The following ULK4 variants were observed in gnomAD, a reference collection of about 807,000 sequenced individuals.
ULK4 encodes unc-51 like kinase 4.
ULK4 carries 133 observed loss-of-function variants against 160.6 expected under a neutral mutation model. That is an observed-to-expected ratio of 0.83 (90% CI 0.72 to 0.96). The LOEUF is 0.96. Ranked by LOEUF, ULK4 falls within the 40% of genes least tolerant of loss-of-function variation. ULK4 has a pLI of 0.00. For missense variants in ULK4, 1,580 were observed against 1,499.5 expected (o/e 1.05, Z -0.89); for synonymous variants, 534 against 539.8 (o/e 0.99, Z 0.15).
At chr3:41,628,546 T>C (rs184139828) in intron 30 of ULK4, among the ~76,000 whole-genome samples, 1 of 152,288 alleles carries the variant, frequency 6.6e-6, no homozygotes, top group East Asian at 1.9e-4. Flanking sequence ...ACAAAGTAAC[T>C]ACCTAGTACA....
intron 31 of ULK4, among the ~76,000 whole-genome samples, chr3:41,587,832 C>T (rs745393682): frequency 1.1e-4 from 17 of 152,074 alleles, no homozygotes; most frequent in Admixed American, 2.0e-4. Flanking sequence ...TTTTAAATAT[C>T]GGTTAATTAG....
intron 17 of ULK4, among the ~76,000 whole-genome samples, chr3:41,840,327 C>T (rs1358259150): frequency 6.6e-6 from 1 of 152,182 alleles, no homozygotes; most frequent in Non-Finnish European, 1.5e-5. Context: ...GTCCTAGCTA[C>T]TCAAGAGACT....
intron 32 of ULK4, among the ~76,000 whole-genome samples, chr3:41,538,874 G>A (rs1044990086): frequency 7.2e-5 from 11 of 151,988 alleles, no homozygotes; most frequent in African/African-American, 2.7e-4. Flanking sequence ...ATAAGCATGT[G>A]TATGCATGAG....
chr3:41,317,144 C>T (rs966918875), intron 35 of ULK4, among the ~76,000 whole-genome samples: 5 of 142,860 alleles, frequency 3.5e-5, no homozygotes, highest in East Asian at 2.1e-4. Context: ...GGCGCAATCT[C>T]GGCTCACTGC....
intron 11 of ULK4, 72 bp from the exon 12 acceptor site, chr3:41,908,013 A>G (rs1468960826): frequency 3.6e-6 from 4 of 1,124,830 alleles, no homozygotes; most frequent in Non-Finnish European, 4.9e-6. Context: ...TTTCTGGAAG[A>G]AAACAAGTCT....
At chr3:41,706,408 ATT>A (rs1176264213) in intron 25 of ULK4, among the ~76,000 whole-genome samples, 1 of 144,836 alleles carries the variant, frequency 6.9e-6, no homozygotes, top group Non-Finnish European at 1.5e-5. Context: ...AATATATATA[ATT>A]AAATATATAT....
chr3:41,837,244 T>C (rs559828365), intron 17 of ULK4, among the ~76,000 whole-genome samples: 1 of 152,306 alleles, frequency 6.6e-6, no homozygotes, highest in Non-Finnish European at 1.5e-5. Context: ...GTATAACTTA[T>C]ATAAAATCAA....
At chr3:41,522,787 G>A (rs2085978322) in intron 32 of ULK4, among the ~76,000 whole-genome samples, 1 of 152,192 alleles carries the variant, frequency 6.6e-6, no homozygotes, top group African/African-American at 2.4e-5. Context: ...TTTTCATTGT[G>A]TTCCAAAGCA....
chr3:41,307,294 C>T (rs572391274), intron 35 of ULK4, among the ~76,000 whole-genome samples: 39 of 152,262 alleles, frequency 2.6e-4, no homozygotes, highest in African/African-American at 8.4e-4. Flanking sequence ...TGTGCTTTGA[C>T]AGCAGAAAAA....
At chr3:41,798,500 A>T (rs1485314869) in intron 20 of ULK4, among the ~76,000 whole-genome samples, 1 of 152,172 alleles carries the variant, frequency 6.6e-6, no homozygotes, top group Non-Finnish European at 1.5e-5. Flanking sequence ...GGCAGGATTT[A>T]TATCCATTGA....
chr3:41,817,154 T>C lies in ULK4; in HGVS notation c.1848+2269A>G, dbSNP rs147917297. ...CCTACACAGTGGTCCAAATGAACTA[T>C]AGTTTACACAATCAGCATGTAAACT... On this transcript the variant is annotated intron_variant, in intron 19 of 36. Transcript: ENST00000301831. 3.2e-3 allele frequency among the ~76,000 whole-genome samples: 485 copies of C among 152,274 alleles called. 1 individual carries two copies. The highest frequency in any genetic ancestry group is 0.011 in the African/African-American group (461 of 41,548).
chr3:41,891,908 C>T (rs1431872717), intron 16 of ULK4, among the ~76,000 whole-genome samples: 1 of 151,570 alleles, frequency 6.6e-6, no homozygotes, highest in African/African-American at 2.4e-5. Context: ...CCGTCTCAAA[C>T]AAACAAAAAA....
chr3:41,415,150 T>G (rs186467913), intron 34 of ULK4, among the ~76,000 whole-genome samples: 3 of 152,334 alleles, frequency 2.0e-5, no homozygotes, highest in Admixed American at 2.0e-4. Context: ...ATCACTCATT[T>G]AAAAAGTCAA....
At chr3:41,692,658 AG>A (rs1401007882) in intron 27 of ULK4, among the ~76,000 whole-genome samples, 2 of 151,514 alleles carry the variant, frequency 1.3e-5, no homozygotes, top group African/African-American at 4.9e-5. Flanking sequence ...ATTTTAGTGT[AG>A]GGATAATATA....
intron 32 of ULK4, among the ~76,000 whole-genome samples, chr3:41,562,375 G>A (rs2087619187): frequency 6.6e-6 from 1 of 152,106 alleles, no homozygotes; most frequent in African/African-American, 2.4e-5. Flanking sequence ...TGTCTATTAG[G>A]TCCACTTGGT....
chr3:41,455,482 C>CTG lies in ULK4; in HGVS notation c.3492+14_3492+15insCA. 6.2e-7 allele frequency: 1 copy of CTG among 1,609,220 alleles called. No homozygotes were observed. The highest frequency in any genetic ancestry group is 8.5e-7 in the Non-Finnish European group (1 of 1,177,282). Reference sequence around the variant, plus strand: ...CTTCAGTAATGCCCCAAAAGACATACAGGTGAGCTCTTACCAGTGGAATGA... The same window carrying CTG: ...CTTCAGTAATGCCCCAAAAGACATACTGAGGTGAGCTCTTACCAGTGGAATGA... On this transcript the variant is annotated intron_variant, in intron 34 of 36. Transcript: ENST00000301831.
intron 17 of ULK4, among the ~76,000 whole-genome samples, chr3:41,845,151 G>T (rs940965456): frequency 1.3e-5 from 2 of 152,088 alleles, no homozygotes; most frequent in Non-Finnish European, 2.9e-5. Context: ...ATTTTTAGTA[G>T]AGATGGGGTT....
At chr3:41,374,158 C>A (rs961791022) in intron 35 of ULK4, among the ~76,000 whole-genome samples, 5 of 152,096 alleles carry the variant, frequency 3.3e-5, no homozygotes, top group African/African-American at 1.2e-4. Flanking sequence ...GCATTCCAAA[C>A]AAAAAAAGCC....
intron 3 of ULK4, among the ~76,000 whole-genome samples, chr3:41,936,163 CTATGGATGAATGG>C (rs2148826081): frequency 6.6e-6 from 1 of 152,258 alleles, no homozygotes; most frequent in South Asian, 2.1e-4. Flanking sequence ...TGCCTGCTCC[CTATGGATGAATGG>C]TGAGAAGCAA....
Sources: gnomAD v4.1 joint callset for allele counts (sites outside exome capture counted in the v4.1 genomes callset) on GRCh38, gnomAD v4.1.1 for gene constraint, MANE v1.5 for transcripts, NCBI Gene and HGNC (gene_info 2026-07-23, HGNC 2026-07-21) for gene names.